The following ROR2 variants were observed in gnomAD, a reference collection of about 807,000 sequenced individuals.
ROR2 encodes tyrosine-protein kinase transmembrane receptor ROR2.
Under a neutral mutation model 74.9 loss-of-function variants are expected in ROR2, and 33 were observed. The observed-to-expected ratio is 0.44, with a 90% CI of 0.33 to 0.59. The LOEUF is 0.59. Ranked by LOEUF, ROR2 falls within the 20% of genes least tolerant of loss-of-function variation. ROR2 has a pLI of 0.02. For synonymous variants in ROR2, 586 were observed against 558.7 expected, an observed-to-expected ratio of 1.05 and a Z score of -0.69; for missense variants, 1,216 against 1,313.8, an observed-to-expected ratio of 0.93 and a Z score of 1.15.
Position 91,900,190 on chromosome 9 carries a change from G to T in ROR2, c.97+49677C>A, listed in dbSNP as rs1801167235. Among the ~76,000 whole-genome samples the T allele has an allele frequency of 3.3e-5, 5 of 152,156 alleles. No individual in the cohort carries two copies. In the South Asian group the frequency reaches 1.0e-3, roughly 31 times the overall value. On this transcript the variant is annotated intron_variant, in intron 1 of 8. Coordinates refer to ENST00000375708, the MANE Select transcript of ROR2 (RefSeq NM_004560.4). ...GCAGGCCCCCAGATAAGCTCAGGAT[G>T]CAGCGGGTCCCCCAGGGCCGCCAGG...
intron 1 of ROR2, among the ~76,000 whole-genome samples, chr9:91,804,421 C>T (rs115732406): frequency 1.3e-5 from 2 of 152,330 alleles, no homozygotes; most frequent in East Asian, 3.9e-4. Flanking sequence ...CTTTGCTCGA[C>T]AGCCTCTTAT....
At position 91,839,273 on chromosome 9, in the gene ROR2, T is replaced by TGTGTGTGTGTGTGTGTAAGTACAGGC. The variant is rs1554681688; in HGVS notation, c.98-63456_98-63455insGCCTGTACTTACACACACACACACAC. ...GGGGGTGTGTGTGTGTGTGTGTGTG[T>TGTGTGTGTGTGTGTGTAAGTACAGGC]GTGTGTGTGTGTGTGTGTGTGTAAG... On this transcript the variant is annotated intron_variant, in intron 1 of 8. Coordinates refer to ENST00000375708, the MANE Select transcript of ROR2 (RefSeq NM_004560.4). 6.6e-4 allele frequency among the ~76,000 whole-genome samples: 86 copies of TGTGTGTGTGTGTGTGTAAGTACAGGC among 130,762 alleles called. 1 individual carries two copies. The highest frequency in any genetic ancestry group is 2.7e-3 in the African/African-American group (77 of 28,294). The allele number at this position is 130,762 out of a possible 152,430, so 85.8% of individuals were successfully genotyped here. A position where few individuals can be genotyped will look rare whatever the true frequency, so the allele number is the denominator to read the frequency against.
chr9:91,940,828 CT>C (rs1185875047), intron 1 of ROR2, among the ~76,000 whole-genome samples: 12 of 152,058 alleles, frequency 7.9e-5, no homozygotes, highest in Admixed American at 6.5e-5. Context: ...TCTTGAACCC[CT>C]GACCTCAGGT....
At chr9:91,760,633 CAAA>C (rs11405498) in intron 2 of ROR2, among the ~76,000 whole-genome samples, 7 of 80,894 alleles carry the variant, frequency 8.7e-5, no homozygotes, top group Non-Finnish European at 8.1e-5. Flanking sequence ...GACTCTGTCT[CAAA>C]AAAAAAAAAA....
chr9:91,842,528 G>A (rs917147469), intron 1 of ROR2, among the ~76,000 whole-genome samples: 3 of 152,320 alleles, frequency 2.0e-5, no homozygotes, highest in African/African-American at 4.8e-5. Flanking sequence ...GAGGCCAATC[G>A]GACGCCACAG....
At chr9:91,831,008 C>A (rs1828452298) in intron 1 of ROR2, among the ~76,000 whole-genome samples, 1 of 151,992 alleles carries the variant, frequency 6.6e-6, no homozygotes, top group Non-Finnish European at 1.5e-5. Flanking sequence ...ACGCCTGTAA[C>A]CCCAGCACTT....
chr9:91,949,384 G>A (rs989877915), intron 1 of ROR2, among the ~76,000 whole-genome samples: 1 of 151,646 alleles, frequency 6.6e-6, no homozygotes, highest in Non-Finnish European at 1.5e-5. Context: ...GTCCACCCCA[G>A]GATTCTGCCA....
At chr9:91,737,186 C>A (rs1825059630) in intron 5 of ROR2, among the ~76,000 whole-genome samples, 1 of 152,200 alleles carries the variant, frequency 6.6e-6, no homozygotes, top group Non-Finnish European at 1.5e-5. Context: ...CTAATTTAAA[C>A]ATACAGGCCA....
At chr9:91,899,736 A>G (rs1830624340) in intron 1 of ROR2, among the ~76,000 whole-genome samples, 1 of 152,052 alleles carries the variant, frequency 6.6e-6, no homozygotes, top group South Asian at 2.1e-4. Flanking sequence ...TCTACACACA[A>G]GCACACACAT....
chr9:91,836,210 G>A (rs114982462), intron 1 of ROR2, among the ~76,000 whole-genome samples: 178 of 152,142 alleles, frequency 1.2e-3, no homozygotes, highest in Non-Finnish European at 1.6e-3. Flanking sequence ...TTTTATTGTC[G>A]TATGGCACTT....
intron 4 of ROR2, among the ~76,000 whole-genome samples, chr9:91,742,495 A>C (rs2118762721): frequency 6.6e-6 from 1 of 152,348 alleles, no homozygotes; most frequent in Admixed American, 6.5e-5. Flanking sequence ...TAAAAGAACT[A>C]AACAGGAAGC....
chr9:91,816,688 A>ATCCCCCCCC (rs1827949792), intron 1 of ROR2, among the ~76,000 whole-genome samples: 1 of 91,284 alleles, frequency 1.1e-5, no homozygotes, highest in Non-Finnish European at 2.2e-5. Context: ...CTTGTTTACC[A>ATCCCCCCCC]CCCCCCCACC....
intron 2 of ROR2, among the ~76,000 whole-genome samples, chr9:91,764,217 T>C (rs931082311): frequency 6.6e-6 from 1 of 152,210 alleles, no homozygotes; most frequent in Non-Finnish European, 1.5e-5. Flanking sequence ...GATATTATTA[T>C]AGCCATCCTC....
At chr9:91,892,930 G>C (rs1418037549) in intron 1 of ROR2, among the ~76,000 whole-genome samples, 1 of 152,028 alleles carries the variant, frequency 6.6e-6, no homozygotes, top group Admixed American at 6.5e-5. Flanking sequence ...TGAGGGCCTG[G>C]GGTCTATACT....
chr9:91,924,249 C>T (rs1831340538), intron 1 of ROR2, among the ~76,000 whole-genome samples: 1 of 152,258 alleles, frequency 6.6e-6, no homozygotes, highest in Admixed American at 6.5e-5. Context: ...CTCCCAACAT[C>T]AGGCATCCTG....
At chr9:91,906,182 G>C (rs998513602) in intron 1 of ROR2, among the ~76,000 whole-genome samples, 5 of 152,172 alleles carry the variant, frequency 3.3e-5, no homozygotes, top group African/African-American at 4.8e-5. Flanking sequence ...GCAGGGCTGA[G>C]GGGGAGAGCA....
intron 1 of ROR2, among the ~76,000 whole-genome samples, chr9:91,934,072 A>C (rs1016198603): frequency 6.6e-6 from 1 of 152,178 alleles, no homozygotes; most frequent in Non-Finnish European, 1.5e-5. Flanking sequence ...AACATCAGGA[A>C]TGAAGCATCA....
chr9:91,898,053 C>G (rs545243278), intron 1 of ROR2, among the ~76,000 whole-genome samples: 1 of 152,110 alleles, frequency 6.6e-6, no homozygotes, highest in Non-Finnish European at 1.5e-5. Flanking sequence ...GAGAACCCCT[C>G]GGGCCACACC....
At chr9:91,775,643 G>C (rs567751682) in intron 2 of ROR2, 98 bp downstream of exon 2, 18 of 1,117,008 alleles carry the variant, frequency 1.6e-5, no homozygotes, top group African/African-American at 1.5e-5. Flanking sequence ...AGGGGCCAGA[G>C]GACCCCCAGC....
Sources: allele counts gnomAD v4.1 joint callset (sites outside exome capture counted in the v4.1 genomes callset), GRCh38; gene constraint gnomAD v4.1.1; transcripts MANE v1.5; gene names NCBI Gene and HGNC (gene_info 2026-07-23, HGNC 2026-07-21).